Variants in PUM2 observed in about 807,000 individuals in gnomAD.
PUM2 encodes the protein pumilio homolog 2.
Under a neutral mutation model 124.5 loss-of-function variants are expected in PUM2, and 57 were observed. The observed-to-expected ratio is 0.46, with a 90% CI of 0.37 to 0.57. The LOEUF is 0.57. PUM2 is among the 20% of genes least tolerant of loss of function. PUM2 has a pLI of 0.00. For synonymous variants in PUM2, 460 were observed against 446.1 expected, an observed-to-expected ratio of 1.03 and a Z score of -0.39; for missense variants, 1,065 against 1,290.6, an observed-to-expected ratio of 0.83 and a Z score of 2.68.
chr2:20,279,254 A>G (rs181778777), intron 12 of PUM2, among the ~76,000 whole-genome samples: 1 of 152,318 alleles, frequency 6.6e-6, no homozygotes, highest in Admixed American at 6.5e-5. Flanking sequence ...ATATGAATAA[A>G]TAATTAGTAC....
intron 20 of PUM2, among the ~76,000 whole-genome samples, chr2:20,251,966 C>T (rs72785294): frequency 0.018 from 2,817 of 152,280 alleles, 39 homozygotes; most frequent in Middle Eastern, 0.031. Flanking sequence ...AGGCCCCAAA[C>T]ATAGCAAGAA....
chr2:20,263,987 A>G (rs930619690), intron 13 of PUM2, among the ~76,000 whole-genome samples: 6 of 152,126 alleles, frequency 3.9e-5, no homozygotes, highest in African/African-American at 1.4e-4. Flanking sequence ...AAGCCACAAT[A>G]TTAGGTAATA....
At chr2:20,295,499 T>C (rs1489738064) in intron 8 of PUM2, among the ~76,000 whole-genome samples, 1 of 151,864 alleles carries the variant, frequency 6.6e-6, no homozygotes, top group African/African-American at 2.4e-5. Flanking sequence ...GAACCTGAAA[T>C]GAGGACTATT....
intron 9 of PUM2, among the ~76,000 whole-genome samples, chr2:20,291,350 AC>A: frequency 1.3e-5 from 2 of 152,328 alleles, no homozygotes; most frequent in East Asian, 3.9e-4. Context: ...GGAAGGAGAT[AC>A]TTCTCCTGGG....
intron 1 of PUM2, among the ~76,000 whole-genome samples, chr2:20,329,330 G>A (rs1272109721): frequency 6.6e-6 from 1 of 151,402 alleles, no homozygotes; most frequent in African/African-American, 2.4e-5. Context: ...TACTCGGGAG[G>A]CTGAGGTGGG....
At position 20,327,326 on chromosome 2, in the gene PUM2, G is replaced by T. The variant is rs754320512; in HGVS notation, c.35C>A (p.Ser12Tyr). ...AACATTTACCTCTCCCATTCCCCGA[G>T]ATTCTAATGCAAGAGCTTGAAAATC... Reference protein sequence around the residue: ...NHDFQALALESRGMGELLPTK... With the variant: ...NHDFQALALEYRGMGELLPTK... The change falls in exon 2 of 21, where the codon TCT (serine) becomes TAT (tyrosine). Residue 12 changes from serine to tyrosine, a missense_variant. Ser to Tyr is a moderately radical substitution (Grantham distance 144, BLOSUM62 -2). Coordinates refer to ENST00000361078, the MANE Select transcript of PUM2 (RefSeq NM_015317.5). 7 of 1,574,646 alleles carry T rather than the reference G, an allele frequency of 4.4e-6. No homozygotes were observed. The highest frequency in any genetic ancestry group is 1.4e-5 in the African/African-American group (1 of 73,866).
At chr2:20,258,817 G>A (rs986408869) in intron 15 of PUM2, among the ~76,000 whole-genome samples, 2 of 151,394 alleles carry the variant, frequency 1.3e-5, no homozygotes, top group South Asian at 2.1e-4. Flanking sequence ...ACAGGCGCCC[G>A]CCACCGCGCC....
At chr2:20,265,545 T>C (rs993682562) in intron 13 of PUM2, among the ~76,000 whole-genome samples, 1 of 152,232 alleles carries the variant, frequency 6.6e-6, no homozygotes, top group Non-Finnish European at 1.5e-5. Flanking sequence ...TCTAGCATCT[T>C]TGCCCTTTTA....
At chr2:20,268,902 C>T (rs1668364006) in intron 13 of PUM2, among the ~76,000 whole-genome samples, 1 of 151,912 alleles carries the variant, frequency 6.6e-6, no homozygotes, top group Admixed American at 6.6e-5. Flanking sequence ...TTTTATGATA[C>T]ATCATTTGTA....
At position 20,317,820 on chromosome 2, in the gene PUM2, A is replaced by C. The variant is rs143952989; in HGVS notation, c.160+717T>G. ...GGTTTTCTGTTCCTGTGTTCGCTAA[A>C]GGTAATGGTCTCCAGCCCCATCCAT... On this transcript the variant is annotated intron_variant, in intron 3 of 20. Transcript: ENST00000361078. Among the ~76,000 whole-genome samples, 1,146 of 152,236 alleles carry C rather than the reference A, an allele frequency of 7.5e-3. 6 individuals are homozygous for C. The highest frequency in any genetic ancestry group is 0.027 in the Middle Eastern group (8 of 294).
chr2:20,272,183 G>GAATAAATA (rs1177019747), intron 13 of PUM2, among the ~76,000 whole-genome samples: 2 of 146,552 alleles, frequency 1.4e-5, no homozygotes, highest in African/African-American at 5.0e-5. Context: ...ATGAATGAAT[G>GAATAAATA]AATGAATAAA....
chr2:20,280,327 A>G (rs1291791011), intron 12 of PUM2, among the ~76,000 whole-genome samples: 1 of 152,196 alleles, frequency 6.6e-6, no homozygotes, highest in East Asian at 1.9e-4. Context: ...GTAAGAAAAT[A>G]CTAGGTGTCT....
Position 20,251,719 on chromosome 2 carries a change from G to T in PUM2, c.3064-3C>A. On this transcript the variant is annotated splice_polypyrimidine_tract_variant and splice_region_variant and intron_variant, in intron 20 of 20. Coordinates refer to ENST00000361078, the MANE Select transcript of PUM2 (RefSeq NM_015317.5). ...AAAGTAGTAATGTGAGGTCGAATCT[G>T]AAAAACAAATAATCTGCTTAGAAAA... 6.2e-7 allele frequency: 1 copy of T among 1,611,160 alleles called. No homozygotes were observed. Among genetic ancestry groups the T allele is most frequent in the East Asian group, 2.2e-5 (1 of 44,814 alleles).
At chr2:20,257,826 C>T (rs1665179161) in intron 16 of PUM2, among the ~76,000 whole-genome samples, 1 of 151,994 alleles carries the variant, frequency 6.6e-6, no homozygotes, top group Non-Finnish European at 1.5e-5. Flanking sequence ...TTCTGCTGGG[C>T]TATATTTTTA....
chr2:20,274,971 A>AAAAAAAAAAAAAAAAC (rs1669887726), intron 13 of PUM2, among the ~76,000 whole-genome samples: 1 of 146,986 alleles, frequency 6.8e-6, no homozygotes, highest in East Asian at 2.0e-4. Context: ...AAAAAAAAAA[A>AAAAAAAAAAAAAAAAC]AAAGATGCTT....
chr2:20,271,085 G>A (rs1192940545), intron 13 of PUM2, among the ~76,000 whole-genome samples: 1 of 151,984 alleles, frequency 6.6e-6, no homozygotes, highest in Non-Finnish European at 1.5e-5. Context: ...CGATGACAGT[G>A]AATAAGGATG....
Position 20,278,730 on chromosome 2 carries a change from G to A in PUM2, c.1810C>T (p.Pro604Ser). ...CTATTGTAAAATGGTTGCCCTATGG[G>A]TGCTAGGCTGCTACTAGATCTTTTG... ...LYKRSSSSLA[P>S]IGQPFYNSLG... is the part of the protein sequence containing the mutation. The change falls in exon 13 of 21, where the codon CCC becomes TCC. Residue 604 changes from proline to serine, a missense_variant. Pro to Ser is a moderately conservative substitution (Grantham distance 74, BLOSUM62 -1). This residue lies in a region of PUM2 where 968 missense variants were observed against 1,159.8 expected (regional missense o/e 0.83). Transcript: ENST00000361078. The A allele has an allele frequency of 6.2e-7, 1 of 1,613,542 alleles. No individual in the cohort carries two copies. Among genetic ancestry groups the A allele is most frequent in the Non-Finnish European group, 8.5e-7 (1 of 1,179,682 alleles).
At chr2:20,310,370 T>C (rs1196641976) in intron 5 of PUM2, among the ~76,000 whole-genome samples, 1 of 151,968 alleles carries the variant, frequency 6.6e-6, no homozygotes, top group East Asian at 1.9e-4. Context: ...TAGAGGACAT[T>C]AGGAAAAAAA....
chr2:20,266,450 C>G (rs1051477194), intron 13 of PUM2, among the ~76,000 whole-genome samples: 1 of 140,532 alleles, frequency 7.1e-6, no homozygotes, highest in South Asian at 2.2e-4. Flanking sequence ...GTCTCAAAAA[C>G]GAAACAAAAC....
Sources: gnomAD v4.1 joint callset for allele counts (sites outside exome capture counted in the v4.1 genomes callset) on GRCh38, gnomAD v4.1.1 for gene constraint, gnomAD v4.1.1 regional missense constraint, MANE v1.5 for transcripts, NCBI Gene and HGNC (gene_info 2026-07-23, HGNC 2026-07-21) for gene names.